The following KDM5A variants were observed in gnomAD, a reference collection of about 807,000 sequenced individuals.
The protein encoded by KDM5A is lysine-specific demethylase 5A.
KDM5A carries 42 observed loss-of-function variants against 193.5 expected under a neutral mutation model. The ratio of observed to expected loss-of-function variants is 0.22; its 90% CI spans 0.17 to 0.28. The LOEUF is 0.28. KDM5A is among the 10% of genes least tolerant of loss of function. The probability of loss-of-function intolerance (pLI) is 1.00; values close to 1 mark genes in which losing one functional copy is unlikely to be tolerated. For missense variants in KDM5A, 1,692 were observed against 2,055.1 expected, an observed-to-expected ratio of 0.82 and a Z score of 3.42; for synonymous variants, 796 against 718.1, an observed-to-expected ratio of 1.11 and a Z score of -1.73.
At chr12:362,938 T>TTAAA in intron 5 of KDM5A, 25 bp downstream of exon 5, 3 of 1,612,632 alleles carry the variant, frequency 1.9e-6, no homozygotes, top group Non-Finnish European at 2.5e-6. Context: ...ATTTAAAAAT[T>TTAAA]TAAAAAAGCC....
At position 389,101 on chromosome 12, in the gene KDM5A, CGGGGGGG is replaced by C; in HGVS notation, c.-17_-11del. ...GCCCCACGCCCGCCATTGCAACGGC[CGGGGGGG>C]GGGGGGGGTCCCCGTGGGGAACCGG... On this transcript the variant is annotated 5_prime_UTR_variant, in exon 1 of 28. Transcript: ENST00000399788. 1.5e-5 allele frequency: 20 copies of C among 1,292,124 alleles called. No homozygotes were observed. The highest frequency in any genetic ancestry group is 1.8e-5 in the Non-Finnish European group (17 of 946,376). The allele number at this position is 1,292,124 out of a possible 1,614,324, so 80.0% of individuals were successfully genotyped here.
At chr12:350,853 T>C in intron 9 of KDM5A, 74 bp from the exon 10 acceptor site, 1 of 1,308,310 alleles carries the variant, frequency 7.6e-7, no homozygotes, top group East Asian at 2.3e-5. Context: ...ATACACAGGA[T>C]CAAGTAAACA....
chr12:280,238 T>C lies in KDM5A; in HGVS notation c.*5218A>G, dbSNP rs1312701754. 8.6e-6 allele frequency: 2 copies of C among 232,862 alleles called. No homozygotes were observed. Among genetic ancestry groups the C allele is most frequent in the East Asian group, 1.2e-4 (2 of 16,564 alleles). The allele number at this position is 232,862 out of a possible 1,614,324, so 14.4% of individuals were successfully genotyped here. On this transcript the variant is annotated 3_prime_UTR_variant, in exon 28 of 28. Transcript: ENST00000399788. ...TTACAATGTGTACAATGTTTCACCA[T>C]GTTCCAATTAATGGTTGAGCTTTAA...
chr12:296,891 CAAAAG>C, intron 25 of KDM5A, 145 bp downstream of exon 25: 1 of 825,874 alleles, frequency 1.2e-6, no homozygotes, highest in South Asian at 1.7e-5. Flanking sequence ...TTGGCTTTTC[CAAAAG>C]AAAACAGCAT....
chr12:290,659 T>C (rs1741576709), intron 27 of KDM5A, among the ~76,000 whole-genome samples: 2 of 152,024 alleles, frequency 1.3e-5, no homozygotes, highest in South Asian at 2.1e-4. Flanking sequence ...TTTTGTCTTA[T>C]CATCATAACC....
At chr12:367,498 A>G (rs574416799) in intron 3 of KDM5A, among the ~76,000 whole-genome samples, 2 of 152,280 alleles carry the variant, frequency 1.3e-5, no homozygotes, top group African/African-American at 4.8e-5. Context: ...GGAGTTCAAG[A>G]GCAGCCTGCG....
chr12:323,718 C>T lies in KDM5A; in HGVS notation c.2032G>A (p.Ala678Thr), dbSNP rs1943750347. ...LVPDDERQCS[A>T]CRTTCFLSAL... Reference sequence around the variant, plus strand: ...GAGAGAAAACATGTGGTTCTGCATGCTGAACACTGCCGCTCATCATCAGGA... The same window carrying T: ...GAGAGAAAACATGTGGTTCTGCATGTTGAACACTGCCGCTCATCATCAGGA... Residue 678 changes from alanine to threonine, a missense_variant, in exon 15 of 28, where the codon GCA becomes ACA. Physicochemically the swap from Ala to Thr is moderately conservative, Grantham distance 58. Transcript: ENST00000399788. 1 of 1,614,016 alleles carries T rather than the reference C, an allele frequency of 6.2e-7. No individual in the cohort carries two copies. Among genetic ancestry groups the T allele is most frequent in the Non-Finnish European group, 8.5e-7 (1 of 1,179,876 alleles).
rs1448384274 is a variant in KDM5A, at chr12:313,088, G to C, written c.3004C>G (p.Arg1002Gly). The C allele has an allele frequency of 1.2e-6, 2 of 1,614,040 alleles. No homozygotes were observed. The highest frequency in any genetic ancestry group is 1.7e-5 in the Admixed American group (1 of 60,014). ...GCTTCCACTTTAGCGGTCCATTCTCGAGCCTTTTGTAAGGCTTCTTTCAAG... is the reference window on the plus strand; with the variant it reads ...GCTTCCACTTTAGCGGTCCATTCTCCAGCCTTTTGTAAGGCTTCTTTCAAG... ...LSLKEALQKA[R>G]EWTAKVEAIQ... Residue 1002 changes from arginine to glycine, a missense_variant, in exon 20 of 28, where the codon CGA (arginine) becomes GGA (glycine). By Grantham distance (125) the Arg-to-Gly change is moderately radical (BLOSUM62 -2). Coordinates refer to ENST00000399788, the MANE Select transcript of KDM5A (RefSeq NM_001042603.3).
rs934214197 is a variant in KDM5A at position 385,772 on chromosome 12, C to T, written c.243+125G>A. The T allele has an allele frequency of 1.2e-5, 9 of 752,924 alleles. No individual in the cohort carries two copies. The African/African-American group carries it at 1.4e-4, about 12-fold the overall frequency. The allele number at this position is 752,924 out of a possible 1,614,324, so 46.6% of individuals were successfully genotyped here. Reference sequence around the variant, plus strand: ...TACTCTTCCTCCAAACATCAAGTAACTATTCCATTCAATACCAATTAACAC... The same window carrying T: ...TACTCTTCCTCCAAACATCAAGTAATTATTCCATTCAATACCAATTAACAC... On this transcript the variant is annotated intron_variant, in intron 2 of 27. Transcript: ENST00000399788.
intron 3 of KDM5A, among the ~76,000 whole-genome samples, chr12:373,836 T>G (rs1366300948): frequency 6.6e-6 from 1 of 152,272 alleles, no homozygotes; most frequent in Non-Finnish European, 1.5e-5. Context: ...TTTCGTTATG[T>G]ACCCAGTAGT....
rs1944351101 is a variant in KDM5A at position 365,922 on chromosome 12, A to G, written c.537+12T>C. On this transcript the variant is annotated intron_variant, in intron 4 of 27. Coordinates refer to ENST00000399788, the MANE Select transcript of KDM5A (RefSeq NM_001042603.3). ...TTTATCAACTTTTTCTAAAAAGAAT[A>G]ATGCATCTCACCATAAGGCTCACAC... is the stretch of plus-strand genomic sequence containing the variant. 2 of 1,611,746 alleles carry G rather than the reference A, an allele frequency of 1.2e-6. No individual in the cohort carries two copies. The highest frequency in any genetic ancestry group is 1.7e-5 in the Admixed American group (1 of 60,002).
intron 14 of KDM5A, among the ~76,000 whole-genome samples, chr12:324,644 A>G (rs6489408): frequency 0.85 from 129,403 of 152,158 alleles, 55,261 homozygotes; most frequent in East Asian, 0.92. Flanking sequence ...AGGCCGAGGT[A>G]GGCAGATCAC....
At chr12:367,452 T>C (rs2137473104) in intron 3 of KDM5A, among the ~76,000 whole-genome samples, 1 of 152,118 alleles carries the variant, frequency 6.6e-6, no homozygotes, top group East Asian at 1.9e-4. Flanking sequence ...ATCCCAGGAC[T>C]TTGGGAGGCA....
intron 8 of KDM5A, 133 bp from the exon 9 acceptor site, chr12:352,457 A>G (rs969571841): frequency 3.3e-5 from 26 of 780,794 alleles, no homozygotes; most frequent in South Asian, 4.4e-5. Context: ...AACAAAACAA[A>G]TATCAGCTAC....
chr12:389,307 G>C lies in KDM5A; in HGVS notation c.-216C>G. On this transcript the variant is annotated 5_prime_UTR_variant, in exon 1 of 28. Transcript: ENST00000399788. ...ACTGAGGTTCAGGACTTTTCCGGAA[G>C]TTACCGTGCTGTCAAATCCCTCCGC... The C allele has an allele frequency of 2.9e-6, 2 of 682,622 alleles. No individual in the cohort carries two copies. Among genetic ancestry groups the C allele is most frequent in the East Asian group, 2.7e-5 (1 of 36,878 alleles). The allele number at this position is 682,622 out of a possible 1,614,324, so 42.3% of individuals were successfully genotyped here.
intron 18 of KDM5A, among the ~76,000 whole-genome samples, chr12:319,267 G>C (rs1943687051): frequency 6.6e-6 from 1 of 152,180 alleles, no homozygotes; most frequent in South Asian, 2.1e-4. Flanking sequence ...GCAAAAGAAG[G>C]GAAAGCAGCT....
At chr12:378,973 A>C (rs1370275003) in intron 3 of KDM5A, among the ~76,000 whole-genome samples, 1 of 151,988 alleles carries the variant, frequency 6.6e-6, no homozygotes, top group African/African-American at 2.4e-5. Context: ...AAAAAAAAAA[A>C]AAACTAATTA....
intron 10 of KDM5A, among the ~76,000 whole-genome samples, chr12:342,283 T>C (rs1016808293): frequency 6.6e-6 from 1 of 152,094 alleles, no homozygotes; most frequent in Non-Finnish European, 1.5e-5. Flanking sequence ...AGAAAAAGTG[T>C]CAAGAATCAA....
Position 384,018 on chromosome 12 carries a change from G to C in KDM5A, c.366+13C>G. 1 of 1,612,970 alleles carries C rather than the reference G, an allele frequency of 6.2e-7. No homozygotes were observed. Among genetic ancestry groups the C allele is most frequent in the Non-Finnish European group, 8.5e-7 (1 of 1,179,114 alleles). On this transcript the variant is annotated intron_variant, in intron 3 of 27. Transcript: ENST00000399788. ...AGCCTGTGCTCTAATTTCTAAACCAGTATGAGCCTCACCTTGCTCAAAGCA... is the reference window on the plus strand; with the variant it reads ...AGCCTGTGCTCTAATTTCTAAACCACTATGAGCCTCACCTTGCTCAAAGCA...
Sources: allele counts gnomAD v4.1 joint callset (sites outside exome capture counted in the v4.1 genomes callset), GRCh38; gene constraint gnomAD v4.1.1; transcripts MANE v1.5; gene names NCBI Gene and HGNC (gene_info 2026-07-23, HGNC 2026-07-21).